Variants in SLC7A6 observed in about 807,000 individuals in gnomAD.
SLC7A6 encodes the protein Y+L amino acid transporter 2.
In SLC7A6, 29 loss-of-function variants were observed where a neutral mutation model predicts 46.6. That is an observed-to-expected ratio of 0.62 (90% confidence interval 0.46 to 0.85). The LOEUF is 0.85. SLC7A6 is among the 40% of genes least tolerant of loss of function. The probability of loss-of-function intolerance (pLI) is 0.00; values close to 1 mark genes in which losing one functional copy is unlikely to be tolerated. For synonymous variants in SLC7A6, 276 were observed against 257.3 expected (o/e 1.07, Z -0.70); for missense variants, 527 against 647.6 (o/e 0.81, Z 2.02).
chr16:68,294,853 C>A, intron 8 of SLC7A6, 52 bp downstream of exon 8: 1 of 1,244,084 alleles, frequency 8.0e-7, no homozygotes, highest in Non-Finnish European at 1.2e-6. Context: ...ATTGCTCCTT[C>A]TGATTTGTGC....
chr16:68,291,775 G>GTGTA, intron 7 of SLC7A6, 114 bp downstream of exon 7: 1 of 661,106 alleles, frequency 1.5e-6, no homozygotes, highest in Non-Finnish European at 2.6e-6. Flanking sequence ...GTGTGTGTGT[G>GTGTA]TGTGTGTGTG....
chr16:68,294,944 TTC>T, intron 8 of SLC7A6, 143 bp downstream of exon 8: 1 of 603,562 alleles, frequency 1.7e-6, no homozygotes, highest in Non-Finnish European at 2.9e-6. Flanking sequence ...TGTCATTTAA[TTC>T]TTTTATGGTT....
chr16:68,287,298 A>C (rs1567590815), intron 3 of SLC7A6: 1 of 1,287,016 alleles, frequency 7.8e-7, no homozygotes, highest in Non-Finnish European at 1.0e-6. Flanking sequence ...ACTTAATGCA[A>C]AACACTGTCT....
chr16:68,271,364 G>A (rs1440184738), intron 2 of SLC7A6, among the ~76,000 whole-genome samples: 2 of 152,200 alleles, frequency 1.3e-5, no homozygotes, highest in Non-Finnish European at 2.9e-5. Flanking sequence ...GAGTGCAATG[G>A]TGTGATCATG....
At chr16:68,284,975 G>A (rs1453573072) in intron 3 of SLC7A6, among the ~76,000 whole-genome samples, 3 of 149,038 alleles carry the variant, frequency 2.0e-5, no homozygotes, top group Non-Finnish European at 4.4e-5. Context: ...GGGTTCGGCA[G>A]TTCTCCCACC....
chr16:68,291,916 ATAGCTCATATTTATGTGCTGG>A (rs2043063189), intron 7 of SLC7A6: 2 of 446,466 alleles, frequency 4.5e-6, no homozygotes, highest in South Asian at 3.6e-5. Flanking sequence ...TTATGTGTTG[ATAGCTCATATTTATGTGCTGG>A]TAGCTCATAT....
Position 68,275,226 on chromosome 16 carries a change from G to A in SLC7A6, c.500G>A (p.Arg167His), listed in dbSNP as rs143818486. The change falls in exon 3 of 11, where the codon CGT becomes CAT. Residue 167 changes from arginine to histidine, a missense_variant. By Grantham distance (29) the Arg-to-His change is conservative. Coordinates refer to ENST00000219343, the MANE Select transcript of SLC7A6 (RefSeq NM_003983.6). Reference sequence around the variant, plus strand: ...TGTGATCCCCCATACCTGGCCTGCCGTCTCCTGGCTGCTGCTTGCATATGT... The same window carrying A: ...TGTGATCCCCCATACCTGGCCTGCCATCTCCTGGCTGCTGCTTGCATATGT... Reference protein sequence around the residue: ...PSCDPPYLACRLLAAACICLL... With the variant: ...PSCDPPYLACHLLAAACICLL... 9.2e-5 allele frequency: 149 copies of A among 1,612,080 alleles called. No individual in the cohort carries two copies. Among genetic ancestry groups the A allele is most frequent in the African/African-American group, 3.2e-4 (24 of 74,628 alleles).
chr16:68,294,766 G>A lies in SLC7A6; in HGVS notation c.1084G>A (p.Glu362Lys). Residue 362 changes from glutamate (E) to lysine (K), a missense_variant, in exon 8 of 11, where the codon GAG becomes AAG. Glu to Lys is a moderately conservative substitution (Grantham distance 56, BLOSUM62 1). Coordinates refer to ENST00000219343, the MANE Select transcript of SLC7A6 (RefSeq NM_003983.6). ...LPDLLSMIHIERFTPIPALLF... is the reference protein window; with the variant it reads ...LPDLLSMIHIKRFTPIPALLF... ...GGACCTTCTGTCCATGATCCACATT[G>A]AGCGTTTTACACCTATCCCTGCTTT... The A allele has an allele frequency of 6.2e-7, 1 of 1,614,082 alleles. No individual in the cohort carries two copies. Among genetic ancestry groups the A allele is most frequent in the Non-Finnish European group, 8.5e-7 (1 of 1,179,972 alleles).
intron 3 of SLC7A6, among the ~76,000 whole-genome samples, chr16:68,279,365 C>T (rs1309506656): frequency 6.6e-6 from 1 of 152,094 alleles, no homozygotes. Context: ...TATTTAATCT[C>T]TTTCATCAAA....
At chr16:68,276,698 TATAAA>T (rs1416392333) in intron 3 of SLC7A6, among the ~76,000 whole-genome samples, 2 of 152,134 alleles carry the variant, frequency 1.3e-5, no homozygotes, top group African/African-American at 4.8e-5. Context: ...ATTTTCTGAT[TATAAA>T]ATATGTTTAT....
At position 68,291,583 on chromosome 16, in the gene SLC7A6, T is replaced by C. The variant is rs2043050625; in HGVS notation, c.944T>C (p.Met315Thr). 6.2e-7 allele frequency: 1 copy of C among 1,614,198 alleles called. No individual in the cohort carries two copies. The highest frequency in any genetic ancestry group is 2.2e-5 in the East Asian group (1 of 44,890). Residue 315 changes from methionine (M) to threonine (T), a missense_variant, in exon 7 of 11, where the codon ATG becomes ACG. Met to Thr is a moderately conservative substitution (Grantham distance 81, BLOSUM62 -1). Transcript: ENST00000219343. Reference protein sequence around the residue: ...AVTFADQTFGMFSWTIPIAVA... With the variant: ...AVTFADQTFGTFSWTIPIAVA... Reference sequence around the variant, plus strand: ...ACATTTGCTGACCAGACGTTTGGCATGTTCAGCTGGACCATCCCCATTGCT... The same window carrying C: ...ACATTTGCTGACCAGACGTTTGGCACGTTCAGCTGGACCATCCCCATTGCT...
intron 3 of SLC7A6, chr16:68,287,476 C>G: frequency 2.2e-6 from 3 of 1,359,892 alleles, no homozygotes; most frequent in Non-Finnish European, 2.9e-6. Flanking sequence ...GGGGAATTCC[C>G]AGAAATGGTG....
In SLC7A6 at chr16:68,299,280, G is replaced by A. The variant is rs1471622149; in HGVS notation, c.*1952G>A. 6.6e-6 allele frequency: 1 copy of A among 152,634 alleles called. No homozygotes were observed. Among genetic ancestry groups the A allele is most frequent in the African/African-American group, 2.4e-5 (1 of 41,454 alleles). 9.5% of individuals were successfully genotyped at this position (152,634 alleles called of 1,614,324 possible). A position where few individuals can be genotyped will look rare whatever the true frequency, so the allele number is the denominator to read the frequency against. On this transcript the variant is annotated 3_prime_UTR_variant, in exon 11 of 11. Coordinates refer to ENST00000219343, the MANE Select transcript of SLC7A6 (RefSeq NM_003983.6). ...ACCCCAGCTTTAGCTTTCTCCACCAGATAACCAGCTAATCCCAGGAATTTG... is the reference window on the plus strand; with the variant it reads ...ACCCCAGCTTTAGCTTTCTCCACCAAATAACCAGCTAATCCCAGGAATTTG...
In SLC7A6 at chr16:68,300,641, A is replaced by G; in HGVS notation, c.*3313A>G. 1 of 985,478 alleles carries G rather than the reference A, an allele frequency of 1.0e-6. No homozygotes were observed. The highest frequency in any genetic ancestry group is 1.2e-6 in the Non-Finnish European group (1 of 829,934). The allele number at this position is 985,478 out of a possible 1,614,324, so 61.0% of individuals were successfully genotyped here. A position where few individuals can be genotyped will look rare whatever the true frequency, so the allele number is the denominator to read the frequency against. ...TCCATGTTCAAAGCTAGATTTTACTAAACACATGTATCACATTCATATATA... is the reference window on the plus strand; with the variant it reads ...TCCATGTTCAAAGCTAGATTTTACTGAACACATGTATCACATTCATATATA... On this transcript the variant is annotated 3_prime_UTR_variant, in exon 11 of 11. Transcript: ENST00000219343.
rs778411952 is a variant in SLC7A6, at chr16:68,296,678, A to C, written c.1321A>C (p.Ile441Leu). Residue 441 changes from isoleucine to leucine, a missense_variant, in exon 10 of 11, where the codon ATA (isoleucine) becomes CTA (leucine). By Grantham distance (5) the Ile-to-Leu change is conservative. Transcript: ENST00000219343. ...VFCICSVFLVIVPLFTDTINS... is the reference protein window; with the variant it reads ...VFCICSVFLVLVPLFTDTINS... ...CTGCATATGCTCCGTGTTTCTGGTG[A>C]TAGTGCCCCTCTTCACTGACACCAT... 1.2e-6 allele frequency: 2 copies of C among 1,614,000 alleles called. No homozygotes were observed. Among genetic ancestry groups the C allele is most frequent in the African/African-American group, 2.7e-5 (2 of 74,876 alleles).
At chr16:68,288,580 C>A (rs2042983786) in intron 4 of SLC7A6, among the ~76,000 whole-genome samples, 2 of 152,142 alleles carry the variant, frequency 1.3e-5, no homozygotes, top group East Asian at 3.9e-4. Flanking sequence ...CTAAATGTGG[C>A]TGTGTACAGT....
chr16:68,266,863 CTG>C (rs1230342387), intron 2 of SLC7A6, 142 bp downstream of exon 2: 8 of 152,152 alleles, frequency 5.3e-5, no homozygotes, highest in East Asian at 3.8e-4. Flanking sequence ...TTAAATAACA[CTG>C]TAATTTATTA....
chr16:68,290,122 A>G, intron 4 of SLC7A6: 1 of 365,210 alleles, frequency 2.7e-6, no homozygotes, highest in Non-Finnish European at 4.9e-6. Flanking sequence ...AGTTTTATTA[A>G]AGGAATGTGA....
intron 8 of SLC7A6, 146 bp from the exon 9 acceptor site, chr16:68,296,218 C>G: frequency 1.2e-6 from 1 of 804,158 alleles, no homozygotes; most frequent in African/African-American, 1.7e-5. Context: ...AGGAATGGAC[C>G]TATCTGATGC....
Sources: allele counts gnomAD v4.1 joint callset (sites outside exome capture counted in the v4.1 genomes callset), GRCh38; gene constraint gnomAD v4.1.1; transcripts MANE v1.5; gene names NCBI Gene and HGNC (gene_info 2026-07-23, HGNC 2026-07-21).